The following RIC8B variants were observed in gnomAD, a reference collection of about 807,000 sequenced individuals.
RIC8B encodes chaperone Ric-8B.
Under a neutral mutation model 57.5 loss-of-function variants are expected in RIC8B, and 16 were observed. That is an observed-to-expected ratio of 0.28 (90% CI 0.19 to 0.42). RIC8B has a LOEUF of 0.42. Among genes scored for constraint, RIC8B ranks in the 10% least tolerant of loss-of-function variants. The pLI is 1.00. For missense variants in RIC8B, 481 were observed against 677.0 expected, an observed-to-expected ratio of 0.71 and a Z score of 3.21; for synonymous variants, 216 against 250.8, an observed-to-expected ratio of 0.86 and a Z score of 1.31.
In RIC8B at chr12:106,842,601, C is replaced by A; in HGVS notation, c.849C>A (p.Asn283Lys). The change falls in exon 5 of 10, where the codon AAC (asparagine) becomes AAA (lysine). Residue 283 changes from asparagine to lysine, a missense_variant. Physicochemically the swap from Asn to Lys is moderately conservative, Grantham distance 94. Transcript: ENST00000392837. The stretch of plus-strand genomic sequence containing the variant: ...AATTGCTTTTCAGCAATGCAGTCAA[C>A]CTTTTAAGCAATGTTCCAGTCTCTT... ...KTEELHSNAVNLLSNVPVSCL... is the reference protein window; with the variant it reads ...KTEELHSNAVKLLSNVPVSCL... The A allele has an allele frequency of 6.2e-7, 1 of 1,613,052 alleles. No individual in the cohort carries two copies. Among genetic ancestry groups the A allele is most frequent in the Non-Finnish European group, 8.5e-7 (1 of 1,179,360 alleles).
At chr12:106,780,519 T>G (rs772411405) in intron 1 of RIC8B, among the ~76,000 whole-genome samples, 1 of 152,244 alleles carries the variant, frequency 6.6e-6, no homozygotes, top group African/African-American at 2.4e-5. Context: ...TCCAGGACCA[T>G]GTAAGAGGAC....
intron 9 of RIC8B, 70 bp from the exon 10 acceptor site, chr12:106,885,834 T>TGG: frequency 4.3e-6 from 3 of 696,460 alleles, no homozygotes. Flanking sequence ...TGGATTTGGG[T>TGG]GGGGGGGAGG....
chr12:106,820,560 A>G (rs887550561), intron 3 of RIC8B, among the ~76,000 whole-genome samples: 1 of 152,216 alleles, frequency 6.6e-6, no homozygotes, highest in African/African-American at 2.4e-5. Flanking sequence ...GGTCCCTAGA[A>G]TGAAGACCAC....
At chr12:106,786,236 G>A (rs1488249694) in intron 2 of RIC8B, among the ~76,000 whole-genome samples, 1 of 135,990 alleles carries the variant, frequency 7.4e-6, no homozygotes, top group South Asian at 2.5e-4. Context: ...TGCAAGCTCC[G>A]CCTCCCAGGT....
chr12:106,884,939 G>GTTTTTGGGGGGTGATGCCCAT (rs1951106869), intron 9 of RIC8B, among the ~76,000 whole-genome samples: 1 of 152,134 alleles, frequency 6.6e-6, no homozygotes, highest in African/African-American at 2.4e-5. Flanking sequence ...TTATGGACAT[G>GTTTTTGGGGGGTGATGCCCAT]TTTTTGGGGG....
chr12:106,775,913 T>A (rs2043454792), intron 1 of RIC8B, among the ~76,000 whole-genome samples: 1 of 152,224 alleles, frequency 6.6e-6, no homozygotes, highest in African/African-American at 2.4e-5. Flanking sequence ...TTGCTTTGTG[T>A]CCACCACTGC....
At chr12:106,857,501 T>C (rs1846960993) in intron 7 of RIC8B, among the ~76,000 whole-genome samples, 1 of 152,226 alleles carries the variant, frequency 6.6e-6, no homozygotes, top group African/African-American at 2.4e-5. Context: ...CATAGTGCCC[T>C]CTAGCATCCT....
At chr12:106,806,969 G>T (rs2045066951) in intron 2 of RIC8B, among the ~76,000 whole-genome samples, 1 of 152,152 alleles carries the variant, frequency 6.6e-6, no homozygotes, top group African/African-American at 2.4e-5. Flanking sequence ...TGACCTTACA[G>T]AATTTTCCCC....
At chr12:106,785,811 CTCTGTGTGTGTGTGTGTG>C (rs2043988747) in intron 2 of RIC8B, among the ~76,000 whole-genome samples, 1 of 122,260 alleles carries the variant, frequency 8.2e-6, no homozygotes, top group African/African-American at 3.2e-5. Context: ...CTCTCTCTCT[CTCTGTGTGTGTGTGTGTG>C]TGTGTGTGTG....
At chr12:106,881,576 A>G (rs1036410095) in intron 9 of RIC8B, among the ~76,000 whole-genome samples, 4 of 152,060 alleles carry the variant, frequency 2.6e-5, no homozygotes, top group African/African-American at 9.7e-5. Flanking sequence ...GTGCATAGCC[A>G]TACGACTGGT....
chr12:106,818,316 G>A (rs577099247), intron 3 of RIC8B, among the ~76,000 whole-genome samples: 9 of 152,088 alleles, frequency 5.9e-5, no homozygotes, highest in East Asian at 1.9e-4. Context: ...ACAGGCGTGC[G>A]CCACCATGCC....
At chr12:106,840,366 A>G (rs1566117058) in intron 4 of RIC8B, among the ~76,000 whole-genome samples, 1 of 152,178 alleles carries the variant, frequency 6.6e-6, no homozygotes, top group Non-Finnish European at 1.5e-5. Flanking sequence ...GGAGGATGTC[A>G]TGTCTCAGTG....
At chr12:106,781,819 A>G (rs2043775595) in intron 1 of RIC8B, among the ~76,000 whole-genome samples, 1 of 152,210 alleles carries the variant, frequency 6.6e-6, no homozygotes, top group Non-Finnish European at 1.5e-5. Context: ...CATTTTACAT[A>G]TAATGGCAAA....
rs547618071 is a variant in RIC8B at position 106,804,211 on chromosome 12, C to T, written c.133-10485C>T. Among the ~76,000 whole-genome samples the T allele has an allele frequency of 2.2e-5, 3 of 133,490 alleles. No individual in the cohort carries two copies. In the South Asian group the frequency reaches 7.5e-4, roughly 33 times the overall value. 87.6% of individuals were successfully genotyped at this position (133,490 alleles called of 152,430 possible). On this transcript the variant is annotated intron_variant, in intron 2 of 9. Coordinates refer to ENST00000392837, the MANE Select transcript of RIC8B (RefSeq NM_001330145.2). ...TGAAGTAGGTACTTTTTTTTCCTTC[C>T]TTTCTTTCTTTTTTTTTTTTTGAGA...
intron 4 of RIC8B, among the ~76,000 whole-genome samples, chr12:106,840,253 T>C (rs2046808883): frequency 1.3e-5 from 2 of 152,164 alleles, no homozygotes; most frequent in Non-Finnish European, 2.9e-5. Flanking sequence ...TAGATTGCCT[T>C]TCCTCTCCCA....
At chr12:106,779,854 C>G (rs1232833510) in intron 1 of RIC8B, among the ~76,000 whole-genome samples, 3 of 147,366 alleles carry the variant, frequency 2.0e-5, no homozygotes, top group Non-Finnish European at 4.4e-5. Flanking sequence ...CTTGCTCCCC[C>G]ACGGGGGCCT....
chr12:106,837,813 T>C (rs1306476032), intron 4 of RIC8B, among the ~76,000 whole-genome samples: 1 of 152,092 alleles, frequency 6.6e-6, no homozygotes, highest in Non-Finnish European at 1.5e-5. Context: ...GGCTAATTTT[T>C]GTATTTTTAG....
intron 4 of RIC8B, among the ~76,000 whole-genome samples, chr12:106,839,568 G>A (rs1012252114): frequency 6.6e-5 from 10 of 152,286 alleles, no homozygotes; most frequent in Non-Finnish European, 4.4e-5. Flanking sequence ...TCAGTCAAAA[G>A]ATACAAAGTT....
intron 9 of RIC8B, among the ~76,000 whole-genome samples, chr12:106,882,751 A>G (rs910548671): frequency 1.3e-5 from 2 of 152,158 alleles, no homozygotes; most frequent in African/African-American, 4.8e-5. Context: ...TTTCCTACAG[A>G]AGTATCAATG....
Sources: gnomAD v4.1 joint callset for allele counts (sites outside exome capture counted in the v4.1 genomes callset) on GRCh38, gnomAD v4.1.1 for gene constraint, MANE v1.5 for transcripts, NCBI Gene and HGNC (gene_info 2026-07-23, HGNC 2026-07-21) for gene names.